Variants in PCDHGA6 observed in about 807,000 individuals in gnomAD.
PCDHGA6 encodes protocadherin gamma-A6.
Under a neutral mutation model 60.6 loss-of-function variants are expected in PCDHGA6, and 41 were observed. The ratio of observed to expected loss-of-function variants is 0.68; its 90% CI spans 0.53 to 0.88. The LOEUF (loss-of-function observed/expected upper bound fraction) is 0.88, where lower values mean the gene tolerates loss of function less well. Among genes scored for constraint, PCDHGA6 ranks in the 40% least tolerant of loss-of-function variants. The pLI, the probability that PCDHGA6 is intolerant of heterozygous loss-of-function variation, is 0.00. For missense variants in PCDHGA6, 1,312 were observed against 1,203.0 expected (o/e 1.09, Z -1.34); for synonymous variants, 594 against 524.4 (o/e 1.13, Z -1.81).
intron 1 of PCDHGA6, chr5:141,409,987 C>T: frequency 3.1e-6 from 5 of 1,613,288 alleles, no homozygotes; most frequent in Non-Finnish European, 4.2e-6. Context: ...TAGCGGTGGA[C>T]GCCGACTCGG....
chr5:141,422,421 T>C, intron 1 of PCDHGA6: 1 of 1,607,810 alleles, frequency 6.2e-7, no homozygotes, highest in Non-Finnish European at 8.5e-7. Context: ...TAGAAAAGAC[T>C]TATGGAAATT....
intron 1 of PCDHGA6, chr5:141,419,308 C>G: frequency 6.2e-7 from 1 of 1,614,026 alleles, no homozygotes; most frequent in Non-Finnish European, 8.5e-7. Flanking sequence ...ACTTCGGGCT[C>G]AACGGCCGTG....
At chr5:141,408,879 C>A in intron 1 of PCDHGA6, 1 of 1,613,504 alleles carries the variant, frequency 6.2e-7, no homozygotes. Context: ...AGTGCCACCG[C>A]TCACATAGAA....
At chr5:141,388,622 A>G (rs754411917) in intron 1 of PCDHGA6, 3 of 1,613,952 alleles carry the variant, frequency 1.9e-6, no homozygotes, top group South Asian at 1.1e-5. Flanking sequence ...GTCAAGACGT[A>G]TACAGGGTGA....
chr5:141,451,299 A>T (rs1016384424), intron 1 of PCDHGA6, among the ~76,000 whole-genome samples: 17 of 152,228 alleles, frequency 1.1e-4, no homozygotes, highest in African/African-American at 3.4e-4. Flanking sequence ...AAAGTCTTAC[A>T]AGGCAGCAAT....
intron 2 of PCDHGA6, among the ~76,000 whole-genome samples, chr5:141,503,985 T>C (rs1277024188): frequency 6.6e-6 from 1 of 152,150 alleles, no homozygotes; most frequent in African/African-American, 2.4e-5. Flanking sequence ...ACCCTTCTTC[T>C]TACCTTACAG....
chr5:141,419,006 A>G (rs2096312225), intron 1 of PCDHGA6: 1 of 1,614,006 alleles, frequency 6.2e-7, no homozygotes. Context: ...TGGGGAAGTC[A>G]GGTGTAGCTT....
intron 1 of PCDHGA6, chr5:141,402,972 G>C: frequency 6.2e-7 from 1 of 1,608,318 alleles, no homozygotes; most frequent in Non-Finnish European, 8.5e-7. Flanking sequence ...CCAACCAAAT[G>C]CCAGCTCCGC....
In PCDHGA6 at chr5:141,397,217, T is replaced by C. The variant is rs534809290; in HGVS notation, c.2424+20710T>C. On this transcript the variant is annotated intron_variant, in intron 1 of 3. Transcript: ENST00000517434. The stretch of plus-strand genomic sequence containing the variant: ...AAAGATATGACATAAGAGAAGTATT[T>C]TGAGATATGAAGAAGAGCAACGTAG... Among the ~76,000 whole-genome samples, 15 of 152,296 alleles carry C rather than the reference T, an allele frequency of 9.8e-5. No individual in the cohort carries two copies. In the East Asian group the frequency reaches 2.5e-3, roughly 25 times the overall value.
At position 141,477,493 on chromosome 5, in the gene PCDHGA6, A is replaced by G. The variant is rs2154575835; in HGVS notation, c.2425-17314A>G. ...ATGACAACCCTCCACAATCTTCTCA[A>G]TCTTCCTACGACGTTTACATTGAAG... On this transcript the variant is annotated intron_variant, in intron 1 of 3. Transcript: ENST00000517434. This position sits in a 1 kb window ranked among gnomAD's most constrained non-coding sequence, Gnocchi z 4.9. 6.2e-7 allele frequency: 1 copy of G among 1,613,976 alleles called. No individual in the cohort carries two copies. The highest frequency in any genetic ancestry group is 1.6e-4 in the Middle Eastern group (1 of 6,062).
chr5:141,497,649 C>T (rs973501351), intron 2 of PCDHGA6, among the ~76,000 whole-genome samples: 1 of 151,784 alleles, frequency 6.6e-6, no homozygotes, highest in Non-Finnish European at 1.5e-5. Context: ...AAGCGATTCT[C>T]CTGCCTCAGC....
At chr5:141,405,330 T>C (rs750658260) in intron 1 of PCDHGA6, 1 of 1,614,206 alleles carries the variant, frequency 6.2e-7, no homozygotes, top group East Asian at 2.2e-5. Context: ...CCTTTGTGCG[T>C]CTCTGTTGAT....
rs201279747 is a variant in PCDHGA6, at chr5:141,414,931, G to A, written c.2424+38424G>A. On this transcript the variant is annotated intron_variant, in intron 1 of 3. Coordinates refer to ENST00000517434, the MANE Select transcript of PCDHGA6 (RefSeq NM_018919.3). ...AGGCGTGGAGCTGGCGCCCCGCTCC[G>A]CAGAGCCCGGCTACCTGGTGACCAA... 123 of 1,614,120 alleles carry A rather than the reference G, an allele frequency of 7.6e-5. No homozygotes were observed. In the East Asian group the frequency reaches 2.5e-3, roughly 33 times the overall value.
chr5:141,418,998 G>A (rs757681244), intron 1 of PCDHGA6: 4 of 1,613,940 alleles, frequency 2.5e-6, no homozygotes, highest in South Asian at 2.2e-5. Context: ...GGGGAAAATG[G>A]GGAAGTCAGG....
intron 1 of PCDHGA6, among the ~76,000 whole-genome samples, chr5:141,401,347 A>T (rs2094143126): frequency 6.6e-6 from 1 of 152,228 alleles, no homozygotes; most frequent in South Asian, 2.1e-4. Context: ...CATCTCAAAA[A>T]AAAGGAAGGA....
chr5:141,447,064 C>T (rs1453083716), intron 1 of PCDHGA6, among the ~76,000 whole-genome samples: 1 of 152,064 alleles, frequency 6.6e-6, no homozygotes, highest in Non-Finnish European at 1.5e-5. Context: ...ATGTGTCAGG[C>T]TGTTTTAATT....
intron 1 of PCDHGA6, among the ~76,000 whole-genome samples, chr5:141,387,290 A>G (rs2090890389): frequency 6.6e-6 from 1 of 152,168 alleles, no homozygotes; most frequent in Non-Finnish European, 1.5e-5. Flanking sequence ...GAAAGATAAA[A>G]TGTATCCAGT....
intron 1 of PCDHGA6, chr5:141,423,443 C>A: frequency 6.2e-7 from 1 of 1,613,998 alleles, no homozygotes; most frequent in Non-Finnish European, 8.5e-7. Flanking sequence ...ATGCCCACGT[C>A]ACATTTTGTA....
intron 1 of PCDHGA6, among the ~76,000 whole-genome samples, chr5:141,400,862 A>C (rs1239905125): frequency 6.6e-6 from 1 of 152,224 alleles, no homozygotes; most frequent in African/African-American, 2.4e-5. Context: ...TTGTATGTAG[A>C]TAAACCATTA....
Sources: gnomAD v4.1 joint callset for allele counts (sites outside exome capture counted in the v4.1 genomes callset) on GRCh38, gnomAD v4.1.1 for gene constraint, Gnocchi (gnomAD v3.1) non-coding constraint, MANE v1.5 for transcripts, NCBI Gene and HGNC (gene_info 2026-07-23, HGNC 2026-07-21) for gene names.